Variants in RHBG observed in about 807,000 individuals in gnomAD.
RHBG encodes the protein Rh family B glycoprotein.
RHBG carries 39 observed loss-of-function variants against 40.1 expected under a neutral mutation model. The ratio of observed to expected loss-of-function variants is 0.97; its 90% CI spans 0.75 to 1.27. The LOEUF (loss-of-function observed/expected upper bound fraction) is 1.27, where lower values mean the gene tolerates loss of function less well. Among genes scored for constraint, RHBG ranks in the 50% most tolerant of loss-of-function variants. The probability of loss-of-function intolerance (pLI) is 0.00; values close to 1 mark genes in which losing one functional copy is unlikely to be tolerated. For missense variants in RHBG, 549 were observed against 588.1 expected (o/e 0.93, Z 0.69); for synonymous variants, 237 against 252.5 (o/e 0.94, Z 0.58).
At chr1:156,380,294 T>G (rs1012746607) in intron 4 of RHBG, among the ~76,000 whole-genome samples, 5 of 151,722 alleles carry the variant, frequency 3.3e-5, no homozygotes, top group African/African-American at 1.2e-4. Flanking sequence ...TAGAGACAGG[T>G]TTTCACCATG....
At chr1:156,371,294 G>T in intron 1 of RHBG, 1 of 313,450 alleles carries the variant, frequency 3.2e-6, no homozygotes. Flanking sequence ...CGAGAAGCTG[G>T]GATTACAGGC....
chr1:156,369,244 C>G lies in RHBG; in HGVS notation c.-6C>G, dbSNP rs184591286. On this transcript the variant is annotated 5_prime_UTR_variant, in exon 1 of 10. Coordinates refer to ENST00000537040, the MANE Select transcript of RHBG (RefSeq NM_020407.5). ...GCGAGCGCCAGCCGAGATCGCAGCC[C>G]AACCCATGGCCGGGTCTCCTAGCCG... 6.2e-7 allele frequency: 1 copy of G among 1,611,580 alleles called. No individual in the cohort carries two copies. The highest frequency in any genetic ancestry group is 1.7e-5 in the Admixed American group (1 of 59,776).
intron 1 of RHBG, among the ~76,000 whole-genome samples, chr1:156,369,653 A>G (rs1383452724): frequency 6.6e-6 from 1 of 152,128 alleles, no homozygotes; most frequent in African/African-American, 2.4e-5. Context: ...CACTTAGTCT[A>G]TGAGTTAGAC....
chr1:156,370,125 C>T (rs1666739274), intron 1 of RHBG, among the ~76,000 whole-genome samples: 1 of 152,020 alleles, frequency 6.6e-6, no homozygotes, highest in Non-Finnish European at 1.5e-5. Flanking sequence ...CCAGCCTGGC[C>T]AACATGGTGA....
At chr1:156,369,495 C>A (rs980696244) in intron 1 of RHBG, 59 bp downstream of exon 1, 1 of 1,506,314 alleles carries the variant, frequency 6.6e-7, no homozygotes, top group Non-Finnish European at 8.9e-7. Context: ...AAAGACCCTC[C>A]GGTGTCTTGG....
At chr1:156,384,394 G>A (rs1205912977) in intron 8 of RHBG, 133 bp from the exon 9 acceptor site, 2 of 809,616 alleles carry the variant, frequency 2.5e-6, no homozygotes, top group Non-Finnish European at 4.4e-6. Flanking sequence ...AACAAATACT[G>A]CTGTGTTTTG....
rs1667692759 is a variant in RHBG, at chr1:156,382,140, C to G, written c.1051C>G (p.Leu351Val). ...CAACCTCCATGGGATGCCGGGGGTC[C>G]TGGGGGCCCTCCTGGGGGTCCTTGT... ...VHNLHGMPGV[L>V]GALLGVLVAG... Residue 351 changes from leucine (L) to valine (V), a missense_variant, in exon 7 of 10, where the codon CTG (leucine) becomes GTG (valine). By Grantham distance (32) the Leu-to-Val change is conservative. Transcript: ENST00000537040. 6.2e-7 allele frequency: 1 copy of G among 1,614,082 alleles called. No homozygotes were observed. Among genetic ancestry groups the G allele is most frequent in the African/African-American group, 1.3e-5 (1 of 75,022 alleles).
At chr1:156,383,589 CTT>C (rs1667827257) in intron 8 of RHBG, among the ~76,000 whole-genome samples, 2 of 136,108 alleles carry the variant, frequency 1.5e-5, no homozygotes, top group Admixed American at 7.5e-5. Context: ...AATCTACACT[CTT>C]TTAAAAAGAG....
rs1416734128 is a variant in RHBG at position 156,382,788 on chromosome 1, A to G, written c.1153A>G (p.Ser385Gly). Reference protein sequence around the residue: ...VFPLIAEGQRSATSQAMHQLF... With the variant: ...VFPLIAEGQRGATSQAMHQLF... The stretch of plus-strand genomic sequence containing the variant: ...TCCACTCATAGCCGAGGGCCAGCGC[A>G]GTGCCACGTCACAGGCCATGCACCA... The change falls in exon 8 of 10, where the codon AGT becomes GGT. Residue 385 changes from serine to glycine, a missense_variant. Ser to Gly is a moderately conservative substitution (Grantham distance 56). This residue lies in a region of RHBG where 399 missense variants were observed against 417.0 expected (regional missense o/e 0.96). Transcript: ENST00000537040. The G allele has an allele frequency of 8.7e-6, 14 of 1,614,170 alleles. No individual in the cohort carries two copies. In the South Asian group the frequency reaches 1.3e-4, roughly 15 times the overall value.
chr1:156,383,190 G>A lies in RHBG; in HGVS notation c.1234+321G>A, dbSNP rs150404775. Among the ~76,000 whole-genome samples the A allele has an allele frequency of 4.0e-3, 608 of 152,332 alleles. 3 individuals carry two copies. The highest frequency in any genetic ancestry group is 0.014 in the African/African-American group (580 of 41,568). ...CTGAGGCCTAGAAGGGGATGGCTGC[G>A]CCATGTGGGGCAGGGACAAGGAGGG... On this transcript the variant is annotated intron_variant, in intron 8 of 9. Coordinates refer to ENST00000537040, the MANE Select transcript of RHBG (RefSeq NM_020407.5).
Position 156,377,905 on chromosome 1 carries a change from T to A in RHBG, c.375-85T>A. 7.6e-4 allele frequency: 523 copies of A among 684,940 alleles called. No individual in the cohort carries two copies. The highest frequency in any genetic ancestry group is 1.0e-3 in the Non-Finnish European group (446 of 424,806). 42.4% of individuals were successfully genotyped at this position (684,940 alleles called of 1,614,324 possible). ...CAACCCCACCCCACCCACCACATCA[T>A]GCTGTCCTGGCTTCATGCCAGGCAG... On this transcript the variant is annotated intron_variant, in intron 2 of 9. Coordinates refer to ENST00000537040, the MANE Select transcript of RHBG (RefSeq NM_020407.5). The surrounding 1 kb of genome is among the most constrained non-coding windows in gnomAD (Gnocchi z 4.6).
At chr1:156,376,749 G>A (rs892318792) in intron 1 of RHBG, among the ~76,000 whole-genome samples, 50 of 152,324 alleles carry the variant, frequency 3.3e-4, no homozygotes, top group African/African-American at 1.1e-3. Context: ...GGGAGGACTG[G>A]CTGAGTACAG....
intron 1 of RHBG, among the ~76,000 whole-genome samples, chr1:156,369,996 A>G (rs1040269744): frequency 4.6e-5 from 7 of 152,120 alleles, no homozygotes; most frequent in Admixed American, 3.9e-4. Context: ...CTAGTCCCTC[A>G]AAGCTGGTCC....
intron 6 of RHBG, 47 bp from the exon 7 acceptor site, chr1:156,382,021 T>C: frequency 1.2e-6 from 2 of 1,609,260 alleles, no homozygotes; most frequent in Non-Finnish European, 1.7e-6. Context: ...CAGGATGAGG[T>C]GGTGGGGAGT....
chr1:156,376,423 G>A (rs576444663), intron 1 of RHBG, among the ~76,000 whole-genome samples: 2 of 151,290 alleles, frequency 1.3e-5, no homozygotes, highest in Admixed American at 1.3e-4. Flanking sequence ...GAGTGCAGAG[G>A]TATGATCTTG....
intron 5 of RHBG, 114 bp from the exon 6 acceptor site, chr1:156,381,692 G>T: frequency 6.9e-7 from 1 of 1,439,692 alleles, no homozygotes; most frequent in Non-Finnish European, 9.4e-7. Flanking sequence ...GACAATGAGA[G>T]GTTAGATGGC....
intron 4 of RHBG, among the ~76,000 whole-genome samples, chr1:156,379,350 T>G (rs571195175): frequency 4.6e-5 from 7 of 152,234 alleles, no homozygotes; most frequent in Non-Finnish European, 5.9e-5. Flanking sequence ...TCCTCTATTT[T>G]CATAACTGCA....
chr1:156,384,515 T>C lies in RHBG; in HGVS notation c.1235-12T>C. On this transcript the variant is annotated splice_polypyrimidine_tract_variant and intron_variant, in intron 8 of 9. Transcript: ENST00000537040. ...CAGAGAAGCCTCACAGATCCTCCCC[T>C]ACCACCACCAGGGCTCCTGCTGAAG... is the stretch of plus-strand genomic sequence containing the variant. The C allele has an allele frequency of 6.2e-7, 1 of 1,612,722 alleles. No homozygotes were observed. The highest frequency in any genetic ancestry group is 8.5e-7 in the Non-Finnish European group (1 of 1,179,250).
At chr1:156,376,793 G>T (rs1002035258) in intron 1 of RHBG, among the ~76,000 whole-genome samples, 1 of 152,162 alleles carries the variant, frequency 6.6e-6, no homozygotes, top group South Asian at 2.1e-4. Context: ...TGATCATGCC[G>T]CTGCACTCTT....
Sources: allele counts gnomAD v4.1 joint callset (sites outside exome capture counted in the v4.1 genomes callset), GRCh38; gene constraint gnomAD v4.1.1; regional missense constraint gnomAD v4.1.1; non-coding constraint Gnocchi (gnomAD v3.1); transcripts MANE v1.5; gene names NCBI Gene and HGNC (gene_info 2026-07-23, HGNC 2026-07-21).